The following OR51B5 variants were observed in gnomAD, a reference collection of about 807,000 sequenced individuals.
OR51B5 encodes the protein olfactory receptor 51B5.
For missense variants in OR51B5, 456 were observed against 374.6 expected (o/e 1.22, Z -1.79); for synonymous variants, 186 against 144.8 (o/e 1.28, Z -2.04).
At chr11:5,465,380 T>C (rs1464229037) in intron 1 of OR51B5, among the ~76,000 whole-genome samples, 1 of 151,958 alleles carries the variant, frequency 6.6e-6, no homozygotes, top group Non-Finnish European at 1.5e-5. Flanking sequence ...TTTCATGTGT[T>C]TTTTGGCTGC....
chr11:5,358,176 A>C (rs1849223538), intron 1 of OR51B5, among the ~76,000 whole-genome samples: 1 of 152,148 alleles, frequency 6.6e-6, no homozygotes, highest in Non-Finnish European at 1.5e-5. Flanking sequence ...ACACAAAAAA[A>C]CCCTTCAAAA....
intron 1 of OR51B5, among the ~76,000 whole-genome samples, chr11:5,382,692 A>G (rs568720138): frequency 6.6e-5 from 10 of 152,152 alleles, no homozygotes; most frequent in Non-Finnish European, 1.5e-4. Context: ...AACCTTCCTC[A>G]TAACTACAAT....
intron 1 of OR51B5, chr11:5,352,465 T>G: frequency 6.7e-7 from 1 of 1,482,968 alleles, no homozygotes; most frequent in Non-Finnish European, 9.2e-7. Context: ...CACTGGTCTC[T>G]GAGGAATAAT....
intron 1 of OR51B5, among the ~76,000 whole-genome samples, chr11:5,461,045 T>C (rs1279644734): frequency 6.6e-6 from 1 of 152,146 alleles, no homozygotes; most frequent in South Asian, 2.1e-4. Context: ...GAGGGGGAGA[T>C]TGCCCTACGG....
At chr11:5,441,144 C>A in intron 1 of OR51B5, 1 of 1,613,902 alleles carries the variant, frequency 6.2e-7, no homozygotes, top group Non-Finnish European at 8.5e-7. Flanking sequence ...AGCCACAAAG[C>A]GATCCAAGCT....
chr11:5,353,247 A>C (rs1849131632), intron 1 of OR51B5, among the ~76,000 whole-genome samples: 1 of 152,232 alleles, frequency 6.6e-6, no homozygotes, highest in African/African-American at 2.4e-5. Context: ...AACTTTGGTT[A>C]ACATTTATCA....
At chr11:5,385,605 G>T (rs1008351763) in intron 1 of OR51B5, 1 of 151,722 alleles carries the variant, frequency 6.6e-6, no homozygotes, top group Non-Finnish European at 1.5e-5. Context: ...TTATTAGGTT[G>T]GTGAAAAATT....
chr11:5,486,556 A>C (rs1851502231), intron 1 of OR51B5, among the ~76,000 whole-genome samples: 1 of 152,188 alleles, frequency 6.6e-6, no homozygotes, highest in Non-Finnish European at 1.5e-5. Flanking sequence ...GAGATTGAGC[A>C]GCCACAAGCA....
chr11:5,396,077 G>A (rs1009736828), intron 1 of OR51B5, among the ~76,000 whole-genome samples: 3 of 152,134 alleles, frequency 2.0e-5, no homozygotes, highest in African/African-American at 4.8e-5. Context: ...AGCTATTGAA[G>A]TTATGATTGT....
upstream of OR51B5, chr11:5,345,764 T>C (rs1002615808): frequency 7.2e-5 from 11 of 151,754 alleles, no homozygotes; most frequent in African/African-American, 2.7e-4. Context: ...AAGGAAACGA[T>C]CCTCTTACCT....
chr11:5,477,047 G>T (rs1378195922), intron 1 of OR51B5, among the ~76,000 whole-genome samples: 1 of 152,190 alleles, frequency 6.6e-6, no homozygotes, highest in Non-Finnish European at 1.5e-5. Flanking sequence ...TGCCGAGAGG[G>T]TAGATCTTAA....
At chr11:5,483,631 C>G (rs2340353) in intron 1 of OR51B5, among the ~76,000 whole-genome samples, 49,669 of 151,210 alleles carry the variant, frequency 0.33, 8,318 homozygotes, top group Middle Eastern at 0.39. Context: ...GACAGGCTAG[C>G]TGTTTAATTT....
chr11:5,385,329 A>G (rs542241867), intron 1 of OR51B5: 3 of 152,304 alleles, frequency 2.0e-5, no homozygotes, highest in African/African-American at 7.2e-5. Flanking sequence ...AAATAATCCC[A>G]GCCCTGTCAT....
At chr11:5,478,925 G>C (rs1375958299) in intron 1 of OR51B5, among the ~76,000 whole-genome samples, 1 of 151,040 alleles carries the variant, frequency 6.6e-6, no homozygotes, top group Non-Finnish European at 1.5e-5. Context: ...GAACCAAGTT[G>C]GAAAACACTC....
At chr11:5,408,934 G>T (rs973633632) in intron 1 of OR51B5, among the ~76,000 whole-genome samples, 1 of 151,868 alleles carries the variant, frequency 6.6e-6, no homozygotes, top group African/African-American at 2.4e-5. Flanking sequence ...TAATATTTTT[G>T]TAACACCCTC....
chr11:5,346,346 C>T (rs1848989765), upstream of OR51B5: 1 of 151,986 alleles, frequency 6.6e-6, no homozygotes, highest in Non-Finnish European at 1.5e-5. Context: ...AGTCGTGGCT[C>T]TTGGTTTCTG....
At chr11:5,495,254 A>C (rs1266978342) in intron 1 of OR51B5, among the ~76,000 whole-genome samples, 1 of 152,240 alleles carries the variant, frequency 6.6e-6, no homozygotes, top group Non-Finnish European at 1.5e-5. Flanking sequence ...ATAATTAGCA[A>C]CATAAAAATG....
intron 1 of OR51B5, among the ~76,000 whole-genome samples, chr11:5,361,562 C>T (rs1452594821): frequency 1.3e-5 from 2 of 152,080 alleles, no homozygotes; most frequent in East Asian, 1.9e-4. Context: ...GAGCAGTAGA[C>T]GGTTGGCTTA....
At chr11:5,456,241 G>A (rs1189977378) in intron 1 of OR51B5, 1 of 152,150 alleles carries the variant, frequency 6.6e-6, no homozygotes, top group East Asian at 1.9e-4. Context: ...AAGAAAATAT[G>A]AGCCTCCCAA....
Sources: gnomAD v4.1 joint callset for allele counts (sites outside exome capture counted in the v4.1 genomes callset) on GRCh38, gnomAD v4.1.1 for gene constraint, MANE v1.5 for transcripts, NCBI Gene and HGNC (gene_info 2026-07-23, HGNC 2026-07-21) for gene names.